The following SYN3 variants were observed in gnomAD, a reference collection of about 807,000 sequenced individuals.
The protein encoded by SYN3 is synapsin-3.
In SYN3, 35 loss-of-function variants were observed where a neutral mutation model predicts 65.8. The observed-to-expected ratio is 0.53, with a 90% CI of 0.41 to 0.70. The LOEUF is 0.70. Ranked by LOEUF, SYN3 falls within the 30% of genes least tolerant of loss-of-function variation. The pLI is 0.00. For synonymous variants in SYN3, 270 were observed against 292.9 expected (o/e 0.92, Z 0.80); for missense variants, 680 against 749.0 (o/e 0.91, Z 1.08).
At chr22:32,933,628 G>C (rs2050696220) in intron 3 of SYN3, among the ~76,000 whole-genome samples, 1 of 152,008 alleles carries the variant, frequency 6.6e-6, no homozygotes, top group Non-Finnish European at 1.5e-5. Context: ...TTAGTAGAAA[G>C]GGGGTTTCAC....
At chr22:32,719,689 A>G (rs930602483) in intron 6 of SYN3, among the ~76,000 whole-genome samples, 23 of 152,164 alleles carry the variant, frequency 1.5e-4, no homozygotes, top group Non-Finnish European at 3.2e-4. Flanking sequence ...CAAAAAAACA[A>G]AAAAGAAACA....
intron 7 of SYN3, among the ~76,000 whole-genome samples, chr22:32,572,449 TTCCTC>T (rs2058787552): frequency 8.4e-6 from 1 of 118,456 alleles, no homozygotes; most frequent in Non-Finnish European, 1.8e-5. Context: ...CCTCCTTCCT[TTCCTC>T]CCTTCCTTCC....
chr22:32,851,727 T>G (rs780960633), intron 6 of SYN3, among the ~76,000 whole-genome samples: 2 of 152,212 alleles, frequency 1.3e-5, no homozygotes, highest in Non-Finnish European at 2.9e-5. Flanking sequence ...AATCCTGTGT[T>G]CTTTATATGA....
At chr22:32,979,684 T>C (rs564476713) in intron 3 of SYN3, among the ~76,000 whole-genome samples, 9 of 152,256 alleles carry the variant, frequency 5.9e-5, no homozygotes, top group African/African-American at 1.9e-4. Context: ...ATGGGTAACA[T>C]TTACTAAGTG....
chr22:32,762,996 G>T (rs1274013453), intron 6 of SYN3, among the ~76,000 whole-genome samples: 2 of 152,158 alleles, frequency 1.3e-5, no homozygotes, highest in East Asian at 3.8e-4. Flanking sequence ...AATAACAATA[G>T]CTACAATAAC....
At chr22:32,780,284 G>A (rs1287842910) in intron 6 of SYN3, among the ~76,000 whole-genome samples, 1 of 152,050 alleles carries the variant, frequency 6.6e-6, no homozygotes, top group Non-Finnish European at 1.5e-5. Context: ...CCTGGGGGGT[G>A]CCGGGAGGTG....
intron 6 of SYN3, among the ~76,000 whole-genome samples, chr22:32,853,720 T>G (rs890723762): frequency 6.6e-6 from 1 of 152,222 alleles, no homozygotes; most frequent in African/African-American, 2.4e-5. Flanking sequence ...AACTCATTCC[T>G]CCTCTCCTTA....
chr22:32,868,887 G>A (rs1356528175), intron 5 of SYN3, 79 bp downstream of exon 5: 2 of 1,431,316 alleles, frequency 1.4e-6, no homozygotes, highest in African/African-American at 2.8e-5. Flanking sequence ...CCTCCATGCT[G>A]GGGAGTGGGC....
chr22:32,534,511 G>T (rs2058131438), intron 9 of SYN3, among the ~76,000 whole-genome samples: 1 of 152,190 alleles, frequency 6.6e-6, no homozygotes, highest in African/African-American at 2.4e-5. Context: ...CACTGCTTTT[G>T]TTCCCTTTCC....
intron 8 of SYN3, among the ~76,000 whole-genome samples, chr22:32,538,773 A>T (rs540457599): frequency 3.6e-4 from 55 of 152,138 alleles, no homozygotes; most frequent in African/African-American, 1.3e-3. Context: ...CCACCTTTAC[A>T]CAGCAAAAAT....
chr22:33,026,384 C>T (rs1261264272), intron 1 of SYN3, among the ~76,000 whole-genome samples: 1 of 152,144 alleles, frequency 6.6e-6, no homozygotes, highest in East Asian at 1.9e-4. Flanking sequence ...ACTCACTTTT[C>T]CAAAACCAGC....
chr22:32,714,123 C>T (rs767835133), intron 6 of SYN3, among the ~76,000 whole-genome samples: 2 of 152,140 alleles, frequency 1.3e-5, no homozygotes, highest in African/African-American at 2.4e-5. Flanking sequence ...TTAGCTTTTC[C>T]ATGGAAAAGT....
In SYN3 at chr22:32,637,836, A is replaced by C. The variant is rs148058185; in HGVS notation, c.712-41100T>G. Among the ~76,000 whole-genome samples, 1,280 of 151,326 alleles carry C rather than the reference A, an allele frequency of 8.5e-3. 17 individuals are homozygous for C. Among genetic ancestry groups the C allele is most frequent in the African/African-American group, 0.028 (1,151 of 41,312 alleles). On this transcript the variant is annotated intron_variant, in intron 6 of 13. Coordinates refer to ENST00000358763, the MANE Select transcript of SYN3 (RefSeq NM_003490.4). ...TATTTTTAGTAGAGATGGGGGTTTCACCATGTTGGCGAGGCTGGTCTCGAA... is the reference window on the plus strand; with the variant it reads ...TATTTTTAGTAGAGATGGGGGTTTCCCCATGTTGGCGAGGCTGGTCTCGAA...
intron 7 of SYN3, among the ~76,000 whole-genome samples, chr22:32,576,270 A>G (rs1356041900): frequency 2.0e-5 from 3 of 151,870 alleles, no homozygotes; most frequent in Non-Finnish European, 4.4e-5. Context: ...CTGAGCATTC[A>G]CCATGTGCCA....
intron 12 of SYN3, among the ~76,000 whole-genome samples, chr22:32,523,367 G>C (rs1003746052): frequency 2.0e-5 from 3 of 152,136 alleles, no homozygotes; most frequent in Admixed American, 1.3e-4. Flanking sequence ...AAAAAAATTA[G>C]CTGGGTGTGG....
At chr22:32,774,838 G>T (rs534039111) in intron 6 of SYN3, among the ~76,000 whole-genome samples, 5 of 152,126 alleles carry the variant, frequency 3.3e-5, no homozygotes, top group Non-Finnish European at 7.4e-5. Flanking sequence ...TGATCCACCC[G>T]CCTCGGCCTC....
chr22:32,545,530 C>G (rs2058324319), intron 7 of SYN3, among the ~76,000 whole-genome samples: 1 of 152,156 alleles, frequency 6.6e-6, no homozygotes, highest in Non-Finnish European at 1.5e-5. Context: ...TTGTCACCAA[C>G]AGTGAGCATG....
At chr22:32,741,347 ATTTTTTTTTTTTTT>A (rs71187210) in intron 6 of SYN3, among the ~76,000 whole-genome samples, 2 of 98,652 alleles carry the variant, frequency 2.0e-5, no homozygotes, top group Non-Finnish European at 4.0e-5. Flanking sequence ...CTAGAGCCCA[ATTTTTTTTTTTTTT>A]TTTTTTTTTT....
At chr22:32,682,255 C>G (rs371010007) in intron 6 of SYN3, among the ~76,000 whole-genome samples, 1 of 152,192 alleles carries the variant, frequency 6.6e-6, no homozygotes, top group East Asian at 1.9e-4. Flanking sequence ...ATGCACAAGT[C>G]TGCCCCCACA....
Sources: gnomAD v4.1 joint callset for allele counts (sites outside exome capture counted in the v4.1 genomes callset) on GRCh38, gnomAD v4.1.1 for gene constraint, MANE v1.5 for transcripts, NCBI Gene and HGNC (gene_info 2026-07-23, HGNC 2026-07-21) for gene names.